The following ABCG2 variants were observed in gnomAD, a reference collection of about 807,000 sequenced individuals.
ABCG2 encodes broad substrate specificity ATP-binding cassette transporter ABCG2.
A neutral mutation model predicts 73.5 loss-of-function variants in ABCG2; 80 were observed. The ratio of observed to expected loss-of-function variants is 1.09; its 90% confidence interval spans 0.91 to 1.31. The LOEUF is 1.31. Among genes scored for constraint, ABCG2 ranks in the 50% most tolerant of loss-of-function variants. The pLI is 0.00. For missense variants in ABCG2, 796 were observed against 786.2 expected (o/e 1.01, Z -0.15); for synonymous variants, 269 against 282.4 (o/e 0.95, Z 0.48).
intron 11 of ABCG2, 94 bp downstream of exon 11, chr4:88,101,136 G>T: frequency 1.0e-6 from 1 of 974,040 alleles, no homozygotes; most frequent in Non-Finnish European, 1.6e-6. Context: ...TAATCCTCCG[G>T]ATCCCATCCT....
intron 1 of ABCG2, among the ~76,000 whole-genome samples, chr4:88,202,350 T>TATATATATATATATATATATA (rs1553945697): frequency 8.5e-5 from 3 of 35,388 alleles, no homozygotes; most frequent in Non-Finnish European, 1.4e-4. Context: ...ATCTCTACAA[T>TATATATATATATATATATATA]TATTTATATA....
intron 1 of ABCG2, among the ~76,000 whole-genome samples, chr4:88,198,148 A>G (rs1288008416): frequency 2.6e-5 from 4 of 151,964 alleles, no homozygotes. Flanking sequence ...CCTGGCCAAC[A>G]TGGTGAAACC....
Position 88,091,855 on chromosome 4 carries a change from A to G in ABCG2, c.*379T>C, listed in dbSNP as rs1452076189. The G allele has an allele frequency of 6.1e-6, 1 of 163,016 alleles. No homozygotes were observed. Among genetic ancestry groups the G allele is most frequent in the Non-Finnish European group, 1.3e-5 (1 of 74,714 alleles). 10.1% of individuals were successfully genotyped at this position (163,016 alleles called of 1,614,324 possible). ...TTAAATAATGGCAAACCATAGCATCATAAAGTATTAAGACTGAAGGGCTAC... is the reference window on the plus strand; with the variant it reads ...TTAAATAATGGCAAACCATAGCATCGTAAAGTATTAAGACTGAAGGGCTAC... On this transcript the variant is annotated 3_prime_UTR_variant, in exon 16 of 16. Transcript: ENST00000237612.
chr4:88,217,657 G>T (rs1460269418), intron 1 of ABCG2, among the ~76,000 whole-genome samples: 1 of 135,506 alleles, frequency 7.4e-6, no homozygotes, highest in African/African-American at 3.0e-5. Flanking sequence ...ATGAGACCCT[G>T]CCTCAAAAAA....
rs1212687042 is a variant in ABCG2, at chr4:88,132,595, T to TG, written c.243dup (p.Thr82HisfsTer39). On this transcript the variant is annotated frameshift_variant, in exon 3 of 16. Coordinates refer to ENST00000237612, the MANE Select transcript of ABCG2 (RefSeq NM_004827.3). LOFTEE classifies it high-confidence loss of function. ...ACTCACGAAGATTTGCCTCCACCTG[T>TG]GGGTCCCAGGATGGCGTTGAGACCA... 1.2e-6 allele frequency: 2 copies of TG among 1,614,196 alleles called. No individual in the cohort carries two copies. Among genetic ancestry groups the TG allele is most frequent in the East Asian group, 4.5e-5 (2 of 44,880 alleles).
Position 88,167,247 on chromosome 4 carries a change from C to A in ABCG2, c.-19-27233G>T, listed in dbSNP as rs796898872. ...CAAGACTGAGTTTCCTGTGTCCTTG[C>A]TGAATGTCAACCAGGGGCACCCTCA... On this transcript the variant is annotated intron_variant, in intron 1 of 15. Transcript: ENST00000515655. Among the ~76,000 whole-genome samples the A allele has an allele frequency of 7.5e-4, 114 of 152,044 alleles. 1 individual carries two copies. Among genetic ancestry groups the A allele is most frequent in the African/African-American group, 2.7e-3 (110 of 41,480 alleles).
chr4:88,133,755 C>A (rs1368499659), intron 2 of ABCG2, among the ~76,000 whole-genome samples: 2 of 152,110 alleles, frequency 1.3e-5, no homozygotes, highest in Non-Finnish European at 2.9e-5. Flanking sequence ...CCCAGCACTT[C>A]GGGAAGCCGA....
chr4:88,130,270 G>C (rs771124991), intron 5 of ABCG2, among the ~76,000 whole-genome samples: 2 of 151,996 alleles, frequency 1.3e-5, no homozygotes, highest in African/African-American at 4.8e-5. Context: ...GGCGGCATTA[G>C]ATTCTCATAG....
intron 9 of ABCG2, among the ~76,000 whole-genome samples, chr4:88,111,286 C>T (rs185830446): frequency 6.6e-6 from 1 of 152,308 alleles, no homozygotes; most frequent in East Asian, 1.9e-4. Context: ...CCAGGTTGAT[C>T]CTACCAGACT....
chr4:88,167,231 G>A (rs1266657403), intron 1 of ABCG2, among the ~76,000 whole-genome samples: 1 of 151,960 alleles, frequency 6.6e-6, no homozygotes, highest in Non-Finnish European at 1.5e-5. Flanking sequence ...CCAAGACTGA[G>A]TTTCCTGTGT....
chr4:88,095,826 A>G (rs1450018104), intron 13 of ABCG2, among the ~76,000 whole-genome samples: 1 of 152,206 alleles, frequency 6.6e-6, no homozygotes, highest in Non-Finnish European at 1.5e-5. Flanking sequence ...TTTTAAAGGA[A>G]GAACAAAATA....
chr4:88,150,862 C>A (rs546679735), intron 1 of ABCG2, among the ~76,000 whole-genome samples: 4 of 152,294 alleles, frequency 2.6e-5, no homozygotes, highest in African/African-American at 9.6e-5. Context: ...GATGAGGACA[C>A]TGTCCTGCAC....
In ABCG2 at chr4:88,095,559, T is replaced by C. The variant is rs1388858447; in HGVS notation, c.1698A>G (p.Ser566=). Residue 566 remains serine, a synonymous_variant, in exon 14 of 16, where the codon TCA becomes TCG. Transcript: ENST00000237612. The part of the protein sequence containing the change: ...VNLTTIASWL[S]WLQYFSIPRY... Reference sequence around the variant, plus strand: ...GTGGAATGCTGAAGTACTGAAGCCATGACAGCCAAGATGCAATGGTTGTGA... The same window carrying C: ...GTGGAATGCTGAAGTACTGAAGCCACGACAGCCAAGATGCAATGGTTGTGA... 3.1e-6 allele frequency: 5 copies of C among 1,613,734 alleles called. No individual in the cohort carries two copies. The highest frequency in any genetic ancestry group is 4.2e-6 in the Non-Finnish European group (5 of 1,179,760).
chr4:88,186,141 G>T (rs1728445717), intron 1 of ABCG2, among the ~76,000 whole-genome samples: 2 of 152,110 alleles, frequency 1.3e-5, no homozygotes, highest in Non-Finnish European at 2.9e-5. Flanking sequence ...AATGGATAAA[G>T]AAAATATGCT....
chr4:88,198,760 C>T (rs917694125), intron 1 of ABCG2, among the ~76,000 whole-genome samples: 1 of 152,074 alleles, frequency 6.6e-6, no homozygotes, highest in Non-Finnish European at 1.5e-5. Context: ...GATTGCCATT[C>T]ATGAGCTTAC....
chr4:88,176,740 C>T (rs1728001825), intron 1 of ABCG2, among the ~76,000 whole-genome samples: 1 of 149,010 alleles, frequency 6.7e-6, no homozygotes, highest in African/African-American at 2.5e-5. Flanking sequence ...GCAGTCCTCT[C>T]GCCTTGGCCT....
intron 1 of ABCG2, among the ~76,000 whole-genome samples, chr4:88,142,694 C>T (rs778688370): frequency 1.2e-4 from 18 of 152,164 alleles, no homozygotes; most frequent in Non-Finnish European, 2.6e-4. Context: ...CACCTGTAGT[C>T]CCAGCACTTT....
At chr4:88,184,557 A>C (rs1728377361) in intron 1 of ABCG2, among the ~76,000 whole-genome samples, 1 of 152,206 alleles carries the variant, frequency 6.6e-6, no homozygotes, top group South Asian at 2.1e-4. Flanking sequence ...TGAAGAGGAC[A>C]CCAAAAATGG....
At chr4:88,101,545 T>A (rs1722417519) in intron 10 of ABCG2, among the ~76,000 whole-genome samples, 1 of 152,164 alleles carries the variant, frequency 6.6e-6, no homozygotes, top group Non-Finnish European at 1.5e-5. Context: ...TGGATTGTTG[T>A]GGAATGAATT....
Sources: allele counts gnomAD v4.1 joint callset (sites outside exome capture counted in the v4.1 genomes callset), GRCh38; gene constraint gnomAD v4.1.1; transcripts MANE v1.5; gene names NCBI Gene and HGNC (gene_info 2026-07-23, HGNC 2026-07-21).